The following MACROD2 variants were observed in gnomAD, a reference collection of about 807,000 sequenced individuals.
The protein encoded by MACROD2 is ADP-ribose glycohydrolase MACROD2.
In MACROD2, 36 loss-of-function variants were observed where a neutral mutation model predicts 70.4. That is an observed-to-expected ratio of 0.51 (90% CI 0.39 to 0.68). MACROD2 has a LOEUF of 0.68. Among genes scored for constraint, MACROD2 ranks in the 30% least tolerant of loss-of-function variants. The pLI is 0.00. For synonymous variants in MACROD2, 172 were observed against 178.8 expected, an observed-to-expected ratio of 0.96 and a Z score of 0.30; for missense variants, 496 against 538.4, an observed-to-expected ratio of 0.92 and a Z score of 0.78.
chr20:14,219,936 G>T (rs115851199), intron 3 of MACROD2, among the ~76,000 whole-genome samples: 10 of 152,096 alleles, frequency 6.6e-5, no homozygotes, highest in Admixed American at 2.6e-4. Context: ...GTGGCGGGGT[G>T]GGGGGTGCAA....
In MACROD2 at chr20:14,268,196, A is replaced by C. The variant is rs546406573; in HGVS notation, c.271+182468A>C. Among the ~76,000 whole-genome samples, 9 of 152,080 alleles carry C rather than the reference A, an allele frequency of 5.9e-5. No individual in the cohort carries two copies. The South Asian group carries it at 1.9e-3, about 32-fold the overall frequency. ...TTTAAACAAATCCCAGATTCATATA[A>C]TTTCTCCCCTCTATACTTTAGCTTA... On this transcript the variant is annotated intron_variant, in intron 3 of 17. Coordinates refer to ENST00000684519, the MANE Select transcript of MACROD2 (RefSeq NM_001351661.2).
intron 3 of MACROD2, among the ~76,000 whole-genome samples, chr20:14,247,382 T>C (rs990408626): frequency 4.6e-5 from 7 of 152,322 alleles, no homozygotes; most frequent in African/African-American, 1.7e-4. Context: ...CTGGTTGTTG[T>C]GGTTATGTGG....
At chr20:15,778,601 G>T (rs6135507) in intron 8 of MACROD2, among the ~76,000 whole-genome samples, 5,132 of 151,732 alleles carry the variant, frequency 0.034, 309 homozygotes, top group African/African-American at 0.12. Context: ...TTATTTACCT[G>T]TGTAGGCAAA....
intron 5 of MACROD2, among the ~76,000 whole-genome samples, chr20:14,859,114 A>T (rs568991742): frequency 3.9e-5 from 6 of 152,170 alleles, no homozygotes; most frequent in Admixed American, 6.5e-5. Flanking sequence ...AAGACTACAT[A>T]TTAGGTGTAG....
At chr20:14,562,524 C>G (rs1271978016) in intron 4 of MACROD2, among the ~76,000 whole-genome samples, 1 of 7,598 alleles carries the variant, frequency 1.3e-4, no homozygotes, top group Non-Finnish European at 2.1e-4. Context: ...GATGATTGCA[C>G]CCACAACACA....
chr20:14,680,027 C>T (rs942369058), intron 4 of MACROD2, among the ~76,000 whole-genome samples: 11 of 152,158 alleles, frequency 7.2e-5, no homozygotes, highest in African/African-American at 2.7e-4. Flanking sequence ...GACTTGGACC[C>T]TGAGGGTCCT....
chr20:15,045,516 G>C (rs1271663292), intron 5 of MACROD2, among the ~76,000 whole-genome samples: 1 of 152,066 alleles, frequency 6.6e-6, no homozygotes, highest in African/African-American at 2.4e-5. Flanking sequence ...TGAAACTATT[G>C]TGAAACTTGG....
intron 8 of MACROD2, among the ~76,000 whole-genome samples, chr20:15,630,001 T>C (rs926546786): frequency 6.6e-6 from 1 of 152,194 alleles, no homozygotes; most frequent in Non-Finnish European, 1.5e-5. Flanking sequence ...GTTCTCATTC[T>C]TTTTCTTCCC....
intron 8 of MACROD2, among the ~76,000 whole-genome samples, chr20:15,536,012 T>A (rs1294610863): frequency 6.6e-6 from 1 of 152,106 alleles, no homozygotes; most frequent in Non-Finnish European, 1.5e-5. Flanking sequence ...CACCTCAAGG[T>A]CATGGCATTT....
intron 2 of MACROD2, among the ~76,000 whole-genome samples, chr20:14,055,454 G>T (rs1043128630): frequency 7.1e-6 from 1 of 140,160 alleles, no homozygotes; most frequent in African/African-American, 2.6e-5. Context: ...TCTTCCATTA[G>T]TTATTCTTAT....
intron 7 of MACROD2, among the ~76,000 whole-genome samples, chr20:15,470,563 G>A (rs186901503): frequency 3.3e-5 from 5 of 152,144 alleles, no homozygotes; most frequent in Non-Finnish European, 5.9e-5. Context: ...TTGCACTTCC[G>A]GGCCACTTTC....
chr20:14,770,838 T>C (rs1229520657), intron 5 of MACROD2, among the ~76,000 whole-genome samples: 1 of 152,040 alleles, frequency 6.6e-6, no homozygotes, highest in Non-Finnish European at 1.5e-5. Flanking sequence ...GGGATTTGAA[T>C]CAAGCAGGCT....
intron 6 of MACROD2, among the ~76,000 whole-genome samples, chr20:15,308,455 C>T (rs866900413): frequency 4.6e-5 from 7 of 152,016 alleles, no homozygotes; most frequent in South Asian, 4.2e-4. Flanking sequence ...CATTTATTAC[C>T]GAGATTAAGA....
intron 5 of MACROD2, among the ~76,000 whole-genome samples, chr20:14,716,075 A>C (rs2071393998): frequency 6.6e-6 from 1 of 152,304 alleles, no homozygotes; most frequent in Non-Finnish European, 1.5e-5. Context: ...ATTCTTTCTG[A>C]AAGATGGACT....
chr20:15,623,220 G>C (rs2049152865), intron 8 of MACROD2, among the ~76,000 whole-genome samples: 1 of 152,126 alleles, frequency 6.6e-6, no homozygotes, highest in African/African-American at 2.4e-5. Context: ...TAAATAACTA[G>C]AGTTCAATCT....
chr20:14,667,735 A>G (rs1963595461), intron 4 of MACROD2, among the ~76,000 whole-genome samples: 1 of 152,162 alleles, frequency 6.6e-6, no homozygotes, highest in South Asian at 2.1e-4. Flanking sequence ...AATCTCTTCT[A>G]TGCACTTGAA....
intron 5 of MACROD2, among the ~76,000 whole-genome samples, chr20:15,123,014 AG>A (rs1412505347): frequency 1.3e-5 from 2 of 152,196 alleles, no homozygotes; most frequent in African/African-American, 2.4e-5. Flanking sequence ...GCTGCTCAAT[AG>A]GGTAGCCCAA....
intron 3 of MACROD2, among the ~76,000 whole-genome samples, chr20:14,399,227 G>A (rs531126463): frequency 4.1e-4 from 63 of 152,158 alleles, no homozygotes; most frequent in Admixed American, 7.9e-4. Flanking sequence ...CATCATGTTC[G>A]TTAGGCTGGT....
At chr20:14,936,585 A>T (rs2074342139) in intron 5 of MACROD2, among the ~76,000 whole-genome samples, 1 of 151,964 alleles carries the variant, frequency 6.6e-6, no homozygotes, top group African/African-American at 2.4e-5. Context: ...CCAGGAGCTG[A>T]TCCAGGTTAT....
Sources: gnomAD v4.1 joint callset for allele counts (sites outside exome capture counted in the v4.1 genomes callset) on GRCh38, gnomAD v4.1.1 for gene constraint, MANE v1.5 for transcripts, NCBI Gene and HGNC (gene_info 2026-07-23, HGNC 2026-07-21) for gene names.